TMEM38A: variants seen among roughly 807,000 people sequenced by gnomAD.
The protein encoded by TMEM38A is trimeric intracellular cation channel type A.
In TMEM38A, 17 loss-of-function variants were observed where a neutral mutation model predicts 28.6. That is an observed-to-expected ratio of 0.60 (90% CI 0.41 to 0.89). The LOEUF (loss-of-function observed/expected upper bound fraction) is 0.89, where lower values mean the gene tolerates loss of function less well. Among genes scored for constraint, TMEM38A ranks in the 40% least tolerant of loss-of-function variants. TMEM38A has a pLI of 0.00. For synonymous variants in TMEM38A, 169 were observed against 166.1 expected (o/e 1.02, Z -0.14); for missense variants, 328 against 393.1 (o/e 0.83, Z 1.40).
intron 1 of TMEM38A, among the ~76,000 whole-genome samples, chr19:16,671,220 T>G (rs75306137): frequency 1.3e-5 from 2 of 148,148 alleles, no homozygotes; most frequent in African/African-American, 2.5e-5. Flanking sequence ...TTTTTTTTTT[T>G]TTTGAGGCGG....
chr19:16,689,111 A>C lies in TMEM38A; in HGVS notation c.*740A>C, dbSNP rs1295300046. ...AAGTACCTGTGAGCCAGGTGCTGCC[A>C]TTTCAAAGTCTCTTCTTACCACGCT... On this transcript the variant is annotated 3_prime_UTR_variant, in exon 6 of 6. Transcript: ENST00000187762. 6.6e-6 allele frequency: 1 copy of C among 152,002 alleles called. No individual in the cohort carries two copies. Among genetic ancestry groups the C allele is most frequent in the East Asian group, 1.9e-4 (1 of 5,186 alleles). 9.4% of individuals were successfully genotyped at this position (152,002 alleles called of 1,614,324 possible).
At chr19:16,671,080 T>G (rs532492499) in intron 1 of TMEM38A, among the ~76,000 whole-genome samples, 119 of 151,906 alleles carry the variant, frequency 7.8e-4, no homozygotes, top group Non-Finnish European at 1.5e-3. Flanking sequence ...TAGCCTAAGC[T>G]CACCCAGTCA....
At chr19:16,686,071 G>C (rs2086800406) in intron 4 of TMEM38A, among the ~76,000 whole-genome samples, 1 of 152,212 alleles carries the variant, frequency 6.6e-6, no homozygotes. Context: ...GCTGAGGTGG[G>C]AGAAACACTT....
chr19:16,681,260 C>G (rs2086780835), intron 3 of TMEM38A, among the ~76,000 whole-genome samples: 1 of 151,982 alleles, frequency 6.6e-6, no homozygotes, highest in African/African-American at 2.4e-5. Flanking sequence ...TGCACTCCAG[C>G]TGGGCAACAG....
chr19:16,679,847 G>A lies in TMEM38A; in HGVS notation c.125-137G>A, dbSNP rs138608131. ...CATGCGTACAGCCTCTCTGAACCTT[G>A]GTTCCTCCTCTGAAACTTACAAACT... is the stretch of plus-strand genomic sequence containing the variant. On this transcript the variant is annotated intron_variant, in intron 1 of 5. Transcript: ENST00000187762. The A allele has an allele frequency of 1.7e-3, 1,444 of 874,362 alleles. 20 individuals carry two copies. The African/African-American group carries it at 0.021, about 13-fold the overall frequency. 54.2% of individuals were successfully genotyped at this position (874,362 alleles called of 1,614,324 possible).
At chr19:16,668,532 G>A (rs1461501793) in intron 1 of TMEM38A, among the ~76,000 whole-genome samples, 1 of 151,332 alleles carries the variant, frequency 6.6e-6, no homozygotes, top group Non-Finnish European at 1.5e-5. Flanking sequence ...AGAGATGGGG[G>A]TTCTGTTGTG....
At chr19:16,667,888 C>T (rs979851715) in intron 1 of TMEM38A, among the ~76,000 whole-genome samples, 1 of 148,202 alleles carries the variant, frequency 6.7e-6, no homozygotes, top group African/African-American at 2.5e-5. Flanking sequence ...ATCCTTTTGT[C>T]CTGATTGTCA....
intron 1 of TMEM38A, among the ~76,000 whole-genome samples, chr19:16,678,021 C>T (rs564711376): frequency 4.5e-4 from 69 of 152,078 alleles, no homozygotes; most frequent in African/African-American, 1.2e-3. Flanking sequence ...AGGGGCTAGG[C>T]GATGGGGGAT....
At chr19:16,670,378 G>A (rs759676531) in intron 1 of TMEM38A, among the ~76,000 whole-genome samples, 3 of 151,530 alleles carry the variant, frequency 2.0e-5, no homozygotes, top group Admixed American at 6.6e-5. Flanking sequence ...AGGTTCAAGC[G>A]ATTCTCCTGC....
intron 1 of TMEM38A, among the ~76,000 whole-genome samples, chr19:16,667,485 C>T (rs2096727291): frequency 6.6e-6 from 1 of 152,118 alleles, no homozygotes; most frequent in African/African-American, 2.4e-5. Context: ...TGCCTTGAGC[C>T]TTGACCCATC....
At position 16,661,311 on chromosome 19, in the gene TMEM38A, G is replaced by C. The variant is rs201876960; in HGVS notation, c.94G>C (p.Val32Leu). ...FPVFDLSYFIVSILYLKYEPG... is the reference protein window; with the variant it reads ...FPVFDLSYFILSILYLKYEPG... ...CGTCTTCGACCTCAGTTACTTCATC[G>C]TCTCCATCCTCTACCTCAAGTATGA... The change falls in exon 1 of 6, where the codon GTC becomes CTC. Residue 32 changes from valine to leucine, a missense_variant. Transcript: ENST00000187762. The surrounding 1 kb of genome is among the most constrained non-coding windows in gnomAD (Gnocchi z 6.5). The C allele has an allele frequency of 1.5e-4, 240 of 1,596,398 alleles. 1 individual carries two copies. Among genetic ancestry groups the C allele is most frequent in the Admixed American group, 1.5e-4 (9 of 58,186 alleles).
intron 1 of TMEM38A, among the ~76,000 whole-genome samples, chr19:16,665,366 G>A (rs973838198): frequency 1.3e-5 from 2 of 152,078 alleles, no homozygotes; most frequent in African/African-American, 2.4e-5. Flanking sequence ...GCATGTGCCT[G>A]TAGTCCTAGC....
At chr19:16,670,317 C>A (rs1361554635) in intron 1 of TMEM38A, among the ~76,000 whole-genome samples, 1 of 150,892 alleles carries the variant, frequency 6.6e-6, no homozygotes, top group South Asian at 2.1e-4. Flanking sequence ...TCCTATTTCC[C>A]AGGTTGGAGT....
intron 1 of TMEM38A, among the ~76,000 whole-genome samples, chr19:16,662,436 CTTTTTTTT>C (rs35226829): frequency 1.1e-4 from 8 of 75,862 alleles, no homozygotes; most frequent in African/African-American, 4.4e-4. Flanking sequence ...TAAATGCACG[CTTTTTTTT>C]TTTTTTTTTT....
intron 4 of TMEM38A, among the ~76,000 whole-genome samples, chr19:16,685,714 A>C (rs2086798938): frequency 6.6e-6 from 1 of 152,172 alleles, no homozygotes; most frequent in Non-Finnish European, 1.5e-5. Flanking sequence ...GTGTGGCCCA[A>C]GGCCGTCCTC....
At chr19:16,663,757 C>T (rs1436236815) in intron 1 of TMEM38A, among the ~76,000 whole-genome samples, 1 of 151,256 alleles carries the variant, frequency 6.6e-6, no homozygotes, top group African/African-American at 2.4e-5. Context: ...AGGATGGTCT[C>T]GATTTCCTGA....
chr19:16,664,695 A>G (rs2086695842), intron 1 of TMEM38A, among the ~76,000 whole-genome samples: 1 of 151,878 alleles, frequency 6.6e-6, no homozygotes, highest in Admixed American at 6.6e-5. Context: ...TTGGAGCTCA[A>G]CTGCGCCTGG....
intron 2 of TMEM38A, 50 bp downstream of exon 2, chr19:16,680,190 A>G: frequency 6.3e-7 from 1 of 1,588,226 alleles, no homozygotes; most frequent in South Asian, 1.1e-5. Context: ...GGAAACAACA[A>G]CCTGGGCACC....
At chr19:16,665,124 GTC>G (rs939023576) in intron 1 of TMEM38A, among the ~76,000 whole-genome samples, 5 of 152,048 alleles carry the variant, frequency 3.3e-5, no homozygotes, top group African/African-American at 1.2e-4. Context: ...GAGAAACCCT[GTC>G]TCTACTAAAA....
Sources: allele counts gnomAD v4.1 joint callset (sites outside exome capture counted in the v4.1 genomes callset), GRCh38; gene constraint gnomAD v4.1.1; non-coding constraint Gnocchi (gnomAD v3.1); transcripts MANE v1.5; gene names NCBI Gene and HGNC (gene_info 2026-07-23, HGNC 2026-07-21).